The following WWOX variants were observed in gnomAD, a reference collection of about 807,000 sequenced individuals.
WWOX encodes the protein WW domain-containing oxidoreductase.
In WWOX, 69 loss-of-function variants were observed where a neutral mutation model predicts 46.2. The observed-to-expected ratio is 1.49, with a 90% CI of 1.23 to 1.82. WWOX has a LOEUF of 1.82. Among genes scored for constraint, WWOX ranks in the 40% most tolerant of loss-of-function variants. The probability of loss-of-function intolerance (pLI) is 0.00; values close to 1 mark genes in which losing one functional copy is unlikely to be tolerated. For synonymous variants in WWOX, 359 were observed against 202.6 expected, an observed-to-expected ratio of 1.77 and a Z score of -6.56; for missense variants, 919 against 542.6, an observed-to-expected ratio of 1.69 and a Z score of -6.89.
chr16:79,177,302 A>G (rs564799955), intron 8 of WWOX, among the ~76,000 whole-genome samples: 15 of 152,184 alleles, frequency 9.9e-5, no homozygotes, highest in African/African-American at 3.6e-4. Context: ...GCCTGGCCTC[A>G]TTGCTCGCTT....
chr16:78,744,409 A>G (rs949718082), intron 8 of WWOX, among the ~76,000 whole-genome samples: 1 of 144,158 alleles, frequency 6.9e-6, no homozygotes, highest in Non-Finnish European at 1.5e-5. Context: ...GGAAGGGCCC[A>G]TGGTCCACAC....
intron 8 of WWOX, among the ~76,000 whole-genome samples, chr16:79,040,319 G>T (rs1238328355): frequency 7.0e-6 from 1 of 143,244 alleles, no homozygotes; most frequent in Non-Finnish European, 1.5e-5. Flanking sequence ...CTGTTGCCCA[G>T]ACTGGAGTGC....
intron 8 of WWOX, among the ~76,000 whole-genome samples, chr16:78,838,662 T>C (rs2052056185): frequency 6.6e-6 from 1 of 152,114 alleles, no homozygotes; most frequent in South Asian, 2.1e-4. Flanking sequence ...ACCAATATAG[T>C]GAAACCCCAT....
chr16:78,229,863 G>C (rs1262425705), intron 5 of WWOX, among the ~76,000 whole-genome samples: 1 of 151,866 alleles, frequency 6.6e-6, no homozygotes, highest in African/African-American at 2.4e-5. Context: ...TTCATTTCTT[G>C]TGTATAGTTC....
intron 8 of WWOX, among the ~76,000 whole-genome samples, chr16:78,614,865 A>C (rs547581633): frequency 1.3e-5 from 2 of 152,204 alleles, no homozygotes; most frequent in Non-Finnish European, 2.9e-5. Context: ...TACATGTGCC[A>C]TGGTGGTTTG....
intron 8 of WWOX, among the ~76,000 whole-genome samples, chr16:78,853,833 C>T (rs563634038): frequency 2.0e-5 from 3 of 152,174 alleles, no homozygotes; most frequent in South Asian, 2.1e-4. Context: ...ATAGCGAAGC[C>T]CTCAGCAATA....
At chr16:78,820,936 G>A (rs1348645086) in intron 8 of WWOX, among the ~76,000 whole-genome samples, 1 of 152,044 alleles carries the variant, frequency 6.6e-6, no homozygotes, top group Non-Finnish European at 1.5e-5. Flanking sequence ...TTCTCCTCTG[G>A]CTTTGTGTCC....
At chr16:78,186,764 C>G (rs1161442330) in intron 5 of WWOX, among the ~76,000 whole-genome samples, 1 of 152,066 alleles carries the variant, frequency 6.6e-6, no homozygotes, top group African/African-American at 2.4e-5. Flanking sequence ...GACCCTGTCT[C>G]AAAAGAAAAA....
At chr16:79,029,582 T>G (rs979544432) in intron 8 of WWOX, among the ~76,000 whole-genome samples, 1 of 152,204 alleles carries the variant, frequency 6.6e-6, no homozygotes, top group South Asian at 2.1e-4. Flanking sequence ...TGTTTTTCTA[T>G]ATCCTCCTCC....
chr16:78,407,784 C>A (rs947220986), intron 6 of WWOX, among the ~76,000 whole-genome samples: 1 of 152,184 alleles, frequency 6.6e-6, no homozygotes, highest in East Asian at 1.9e-4. Context: ...AGCATTGATT[C>A]AAACGTATCC....
intron 8 of WWOX, among the ~76,000 whole-genome samples, chr16:78,545,420 G>A (rs1357336861): frequency 1.3e-5 from 2 of 152,100 alleles, no homozygotes; most frequent in Non-Finnish European, 2.9e-5. Flanking sequence ...ATTTCATTAT[G>A]TTGCCCAGGT....
intron 8 of WWOX, among the ~76,000 whole-genome samples, chr16:79,033,806 T>C (rs1443012004): frequency 6.6e-6 from 1 of 152,232 alleles, no homozygotes; most frequent in African/African-American, 2.4e-5. Context: ...ATAAGTGGAA[T>C]CACACAGTGT....
chr16:78,875,984 G>C (rs565387900), intron 8 of WWOX, among the ~76,000 whole-genome samples: 1 of 152,126 alleles, frequency 6.6e-6, no homozygotes, highest in East Asian at 1.9e-4. Flanking sequence ...TTTGTTTTGA[G>C]TTATACCCAC....
intron 8 of WWOX, among the ~76,000 whole-genome samples, chr16:78,465,402 A>G (rs952128773): frequency 6.6e-6 from 1 of 152,030 alleles, no homozygotes; most frequent in Admixed American, 6.5e-5. Flanking sequence ...CCACTCTCCA[A>G]CTCCTAAGCT....
At chr16:78,982,929 C>T (rs1597236313) in intron 8 of WWOX, among the ~76,000 whole-genome samples, 1 of 152,106 alleles carries the variant, frequency 6.6e-6, no homozygotes, top group Non-Finnish European at 1.5e-5. Context: ...AATAAAATTA[C>T]CCTGAGCAGA....
intron 8 of WWOX, among the ~76,000 whole-genome samples, chr16:78,669,750 C>G (rs1597421020): frequency 1.3e-5 from 2 of 152,158 alleles, no homozygotes; most frequent in Non-Finnish European, 2.9e-5. Flanking sequence ...TATGTGTTCC[C>G]TTGAAATTTG....
chr16:79,012,292 G>C (rs2047326452), intron 8 of WWOX, among the ~76,000 whole-genome samples: 1 of 152,130 alleles, frequency 6.6e-6, no homozygotes. Context: ...GAGTGCAGTG[G>C]TGCAATCTCG....
intron 8 of WWOX, among the ~76,000 whole-genome samples, chr16:78,716,552 G>A (rs1567511463): frequency 6.6e-6 from 1 of 152,072 alleles, no homozygotes; most frequent in Non-Finnish European, 1.5e-5. Flanking sequence ...TCACCTGTGT[G>A]TACTCCATGC....
intron 6 of WWOX, among the ~76,000 whole-genome samples, chr16:78,394,519 A>G (rs150952482): frequency 8.2e-4 from 125 of 152,330 alleles, no homozygotes; most frequent in Admixed American, 2.9e-3. Flanking sequence ...TTCAGCATTC[A>G]GTCTTTTTAT....
Sources: gnomAD v4.1 joint callset for allele counts (sites outside exome capture counted in the v4.1 genomes callset) on GRCh38, gnomAD v4.1.1 for gene constraint, MANE v1.5 for transcripts, NCBI Gene and HGNC (gene_info 2026-07-23, HGNC 2026-07-21) for gene names.